EXOSC10: variants seen among roughly 807,000 people sequenced by gnomAD.
The protein encoded by EXOSC10 is exosome component 10.
A neutral mutation model predicts 126.6 loss-of-function variants in EXOSC10; 94 were observed. The ratio of observed to expected loss-of-function variants is 0.74; its 90% CI spans 0.63 to 0.88. EXOSC10 has a LOEUF of 0.88. Among genes scored for constraint, EXOSC10 ranks in the 40% least tolerant of loss-of-function variants. The pLI, the probability that EXOSC10 is intolerant of heterozygous loss-of-function variation, is 0.00. For synonymous variants in EXOSC10, 395 were observed against 400.8 expected (o/e 0.99, Z 0.17); for missense variants, 1,041 against 1,100.5 (o/e 0.95, Z 0.77).
chr1:11,082,825 C>T lies in EXOSC10; in HGVS notation c.1143G>A (p.Leu381=), dbSNP rs754062521. The T allele has an allele frequency of 6.2e-7, 1 of 1,614,190 alleles. No homozygotes were observed. The highest frequency in any genetic ancestry group is 8.5e-7 in the Non-Finnish European group (1 of 1,180,038). Residue 381 remains leucine, a synonymous_variant, in exon 10 of 25, where the codon TTG becomes TTA. Coordinates refer to ENST00000376936, the MANE Select transcript of EXOSC10 (RefSeq NM_001001998.3). ...GAGTATCAAACATGTTTACTACATACAACCCAAAGTCTTTCTGTAGCCATT... is the reference window on the plus strand; with the variant it reads ...GAGTATCAAACATGTTTACTACATATAACCCAAAGTCTTTCTGTAGCCATT... ...DIEWLQKDFG[L]YVVNMFDTHQ...
At chr1:11,093,561 G>C (rs1009606163) in intron 3 of EXOSC10, among the ~76,000 whole-genome samples, 1 of 152,190 alleles carries the variant, frequency 6.6e-6, no homozygotes, top group East Asian at 1.9e-4. Context: ...GTTGAAGTCA[G>C]ATTTGTTTTC....
intron 14 of EXOSC10, 121 bp from the exon 15 acceptor site, chr1:11,077,772 T>C (rs1639902817): frequency 3.8e-6 from 3 of 789,022 alleles, no homozygotes; most frequent in South Asian, 3.6e-5. Context: ...AGAGATTTTC[T>C]TTCCTCTCTT....
chr1:11,081,076 G>A lies in EXOSC10; in HGVS notation c.1437+6C>T, dbSNP rs1407970454. 1.9e-6 allele frequency: 3 copies of A among 1,613,926 alleles called. No individual in the cohort carries two copies. Among genetic ancestry groups the A allele is most frequent in the Non-Finnish European group, 2.5e-6 (3 of 1,179,968 alleles). ...CGCGGTCTGTGTGACTGCGGCTGAG[G>A]TGTACCTTGAGGCAGATGTCCCTGC... is the stretch of plus-strand genomic sequence containing the variant. On this transcript the variant is annotated splice_donor_region_variant and intron_variant, in intron 11 of 24. Coordinates refer to ENST00000376936, the MANE Select transcript of EXOSC10 (RefSeq NM_001001998.3).
intron 9 of EXOSC10, among the ~76,000 whole-genome samples, chr1:11,086,845 T>C (rs1280281947): frequency 6.6e-6 from 1 of 152,084 alleles, no homozygotes. Flanking sequence ...TTTATAGCAC[T>C]AAATGCCCAT....
At chr1:11,083,351 C>G (rs1162942490) in intron 9 of EXOSC10, among the ~76,000 whole-genome samples, 2 of 151,930 alleles carry the variant, frequency 1.3e-5, no homozygotes, top group African/African-American at 4.8e-5. Flanking sequence ...TGCTTGAGGT[C>G]AGGAGTTTGA....
rs1232785918 is a variant in EXOSC10 at position 11,080,807 on chromosome 1, C to A, written c.1543G>T (p.Ala515Ser). 2 of 1,614,080 alleles carry A rather than the reference C, an allele frequency of 1.2e-6. No homozygotes were observed. Among genetic ancestry groups the A allele is most frequent in the Non-Finnish European group, 1.7e-6 (2 of 1,180,026 alleles). Residue 515 changes from alanine (A) to serine (S), a missense_variant, in exon 12 of 25, where the codon GCC becomes TCC. Ala to Ser is a moderately conservative substitution (Grantham distance 99). Transcript: ENST00000376936. ...QQLTAFQLLF[A>S]WRDKTARRED... is the part of the protein sequence containing the mutation. ...CTGCGAGCTGTTTTATCCCTCCAGG[C>A]AAACAGCAGCTGAAAGGCTGTCAAC...
Position 11,076,376 on chromosome 1 carries a change from C to T in EXOSC10, c.1986+466G>A, listed in dbSNP as rs185205219. Among the ~76,000 whole-genome samples, 13 of 152,178 alleles carry T rather than the reference C, an allele frequency of 8.5e-5. No homozygotes were observed. In the East Asian group the frequency reaches 1.9e-3, roughly 23 times the overall value. On this transcript the variant is annotated intron_variant, in intron 17 of 24. Coordinates refer to ENST00000376936, the MANE Select transcript of EXOSC10 (RefSeq NM_001001998.3). ...AAAAAAAAATCATTTCTCTTCTTCA[C>T]TGAAAGCACACATATGTGGTGCTGG...
At chr1:11,075,733 C>T (rs1468386776) in intron 17 of EXOSC10, among the ~76,000 whole-genome samples, 1 of 151,840 alleles carries the variant, frequency 6.6e-6, no homozygotes, top group Non-Finnish European at 1.5e-5. Context: ...CACCTGTAGT[C>T]CCAGCTACTC....
At position 11,069,523 on chromosome 1, in the gene EXOSC10, C is replaced by A. The variant is rs113210235; in HGVS notation, c.2488+36G>T. 570 of 1,601,614 alleles carry A rather than the reference C, an allele frequency of 3.6e-4. 3 individuals are homozygous for A. The African/African-American group carries it at 6.7e-3, about 19-fold the overall frequency. On this transcript the variant is annotated intron_variant, in intron 22 of 24. Transcript: ENST00000376936. ...ATGGCTTCCTCCCCTCTGACGCGCA[C>A]AGATGTCCCTGTATGGGGCCCCATT...
chr1:11,090,938 G>C lies in EXOSC10; in HGVS notation c.643+76C>G. On this transcript the variant is annotated intron_variant, in intron 5 of 24. Coordinates refer to ENST00000376936, the MANE Select transcript of EXOSC10 (RefSeq NM_001001998.3). ...GTGGGCTCCCTTTGAACAAAGAAGA[G>C]AGACCTGTACACCCTTCCTGGTTTT... 2.0e-6 allele frequency: 3 copies of C among 1,477,330 alleles called. No homozygotes were observed. The African/African-American group carries it at 4.2e-5, about 21-fold the overall frequency. 91.5% of individuals were successfully genotyped at this position (1,477,330 alleles called of 1,614,324 possible).
chr1:11,087,951 A>T, intron 7 of EXOSC10, 41 bp from the exon 8 acceptor site: 2 of 1,374,056 alleles, frequency 1.5e-6, no homozygotes, highest in Non-Finnish European at 2.1e-6. Flanking sequence ...GGAATATAGA[A>T]ATCATCCCCC....
At chr1:11,073,281 TGCC>T in intron 19 of EXOSC10, among the ~76,000 whole-genome samples, 1 of 152,226 alleles carries the variant, frequency 6.6e-6, no homozygotes, top group South Asian at 2.1e-4. Context: ...TACAGGCGCC[TGCC>T]ACGACGCCTG....
Position 11,091,570 on chromosome 1 carries a change from C to T in EXOSC10, c.400G>A (p.Val134Ile). ...VGILLDEASG[V>I]NKNQQPVLPA... ...AGGACAGGCTGTTGATTCTTGTTTACACCTGAGGCTTCATCCAGTAAAATA... is the reference window on the plus strand; with the variant it reads ...AGGACAGGCTGTTGATTCTTGTTTATACCTGAGGCTTCATCCAGTAAAATA... Residue 134 changes from valine to isoleucine, a missense_variant, in exon 4 of 25, where the codon GTA (valine) becomes ATA (isoleucine). This residue lies in a region of EXOSC10 where 645 missense variants were observed against 656.3 expected (regional missense o/e 0.98). Coordinates refer to ENST00000376936, the MANE Select transcript of EXOSC10 (RefSeq NM_001001998.3). The T allele has an allele frequency of 6.2e-7, 1 of 1,614,112 alleles. No individual in the cohort carries two copies.
rs768739581 is a variant in EXOSC10, at chr1:11,077,282, C to T, written c.1879+83G>A. ...CTGGCATTACAGGCATAAGCCACCACGCCCGGCCAAGCCTACAGAATTTTA... is the reference window on the plus strand; with the variant it reads ...CTGGCATTACAGGCATAAGCCACCATGCCCGGCCAAGCCTACAGAATTTTA... On this transcript the variant is annotated intron_variant, in intron 16 of 24. Coordinates refer to ENST00000376936, the MANE Select transcript of EXOSC10 (RefSeq NM_001001998.3). 17 of 1,430,424 alleles carry T rather than the reference C, an allele frequency of 1.2e-5. No homozygotes were observed. The African/African-American group carries it at 1.3e-4, about 11-fold the overall frequency. 88.6% of individuals were successfully genotyped at this position (1,430,424 alleles called of 1,614,324 possible).
chr1:11,082,399 T>C (rs1640219892), intron 10 of EXOSC10: 2 of 488,284 alleles, frequency 4.1e-6, no homozygotes, highest in Non-Finnish European at 6.9e-6. Context: ...GGTAGAAAGA[T>C]CCCAGTTTCA....
chr1:11,077,320 G>A, intron 16 of EXOSC10, 45 bp downstream of exon 16: 1 of 1,572,706 alleles, frequency 6.4e-7, no homozygotes, highest in Non-Finnish European at 8.7e-7. Context: ...CAAGGTAGCT[G>A]TGTCCCAACC....
intron 1 of EXOSC10, among the ~76,000 whole-genome samples, chr1:11,099,373 A>C (rs939476594): frequency 6.6e-6 from 1 of 152,136 alleles, no homozygotes; most frequent in South Asian, 2.1e-4. Flanking sequence ...GAGCGCGAAG[A>C]AGCCGAGCCC....
chr1:11,070,297 G>T (rs959535897), intron 21 of EXOSC10, among the ~76,000 whole-genome samples: 2 of 150,500 alleles, frequency 1.3e-5, no homozygotes, highest in African/African-American at 4.9e-5. Flanking sequence ...GAAAGGCAGG[G>T]GGCAGGGGTT....
At chr1:11,087,318 A>G in intron 9 of EXOSC10, 130 bp downstream of exon 9, 1 of 1,090,112 alleles carries the variant, frequency 9.2e-7, no homozygotes, top group South Asian at 1.4e-5. Context: ...TTAGCACTGT[A>G]CCCTAGTTAG....
Sources: allele counts gnomAD v4.1 joint callset (sites outside exome capture counted in the v4.1 genomes callset), GRCh38; gene constraint gnomAD v4.1.1; regional missense constraint gnomAD v4.1.1; transcripts MANE v1.5; gene names NCBI Gene and HGNC (gene_info 2026-07-23, HGNC 2026-07-21).